Variants in PIGX observed in about 807,000 individuals in gnomAD.
PIGX encodes phosphatidylinositol glycan anchor biosynthesis class X.
In PIGX, 24 loss-of-function variants were observed where a neutral mutation model predicts 28.7. That is an observed-to-expected ratio of 0.84 (90% CI 0.60 to 1.17). PIGX has a LOEUF of 1.17. PIGX is among the 50% of genes most tolerant of loss of function. The pLI, the probability that PIGX is intolerant of heterozygous loss-of-function variation, is 0.00. For synonymous variants in PIGX, 127 were observed against 121.0 expected (o/e 1.05, Z -0.33); for missense variants, 305 against 317.8 (o/e 0.96, Z 0.31).
Position 196,734,522 on chromosome 3 carries a change from C to T in PIGX, c.*620C>T, listed in dbSNP as rs1039848671. On this transcript the variant is annotated 3_prime_UTR_variant, in exon 6 of 6. Coordinates refer to ENST00000392391, the MANE Select transcript of PIGX (RefSeq NM_017861.4). ...AGGTTCCAGAGAGCCAAGATCGCAC[C>T]ACTGCACTACAGCCTGGGCGACAGA... 2 of 152,092 alleles carry T rather than the reference C, an allele frequency of 1.3e-5. No individual in the cohort carries two copies. The highest frequency in any genetic ancestry group is 4.8e-5 in the African/African-American group (2 of 41,398). The allele number at this position is 152,092 out of a possible 1,614,324, so 9.4% of individuals were successfully genotyped here.
chr3:196,723,161 G>T (rs1326419880), intron 3 of PIGX, among the ~76,000 whole-genome samples: 2 of 152,128 alleles, frequency 1.3e-5, no homozygotes, highest in Non-Finnish European at 2.9e-5. Context: ...GGGCAACATG[G>T]CGAAACCCTG....
chr3:196,722,374 G>A (rs1712357567), intron 2 of PIGX, 41 bp from the exon 3 acceptor site: 1 of 1,474,144 alleles, frequency 6.8e-7, no homozygotes, highest in Middle Eastern at 1.7e-4. Context: ...TCATTTAACA[G>A]TTGAATGAAG....
In PIGX at chr3:196,734,808, GA is replaced by G. The variant is rs1179804201; in HGVS notation, c.*907del. ...CTTTTGAATATATGAATTGGCAAAG[GA>G]CTTGATGAAACTGAGTACTAAGATT... On this transcript the variant is annotated 3_prime_UTR_variant, in exon 6 of 6. Coordinates refer to ENST00000392391, the MANE Select transcript of PIGX (RefSeq NM_017861.4). 6.6e-6 allele frequency: 1 copy of G among 152,064 alleles called. No individual in the cohort carries two copies. Among genetic ancestry groups the G allele is most frequent in the Admixed American group, 6.6e-5 (1 of 15,262 alleles). The allele number at this position is 152,064 out of a possible 1,614,324, so 9.4% of individuals were successfully genotyped here.
intron 4 of PIGX, 121 bp from the exon 5 acceptor site, chr3:196,730,871 C>CCAGAT (rs749679863): frequency 3.1e-5 from 17 of 540,180 alleles, no homozygotes; most frequent in Middle Eastern, 2.8e-4. Context: ...ATAGATGGGT[C>CCAGAT]CAGATCATAT....
At chr3:196,723,745 A>G (rs990217049) in intron 3 of PIGX, among the ~76,000 whole-genome samples, 1 of 151,846 alleles carries the variant, frequency 6.6e-6, no homozygotes, top group Non-Finnish European at 1.5e-5. Flanking sequence ...AATTTTTAAA[A>G]CTGTAAAATA....
rs1033868552 is a variant in PIGX at position 196,735,645 on chromosome 3, A to G, written c.*1743A>G. On this transcript the variant is annotated 3_prime_UTR_variant, in exon 6 of 6. Transcript: ENST00000392391. Reference sequence around the variant, plus strand: ...TTCAACCCAGTATAGTTTCATACCTATTTCATGCTTTCTCGTAAGAAAGAA... The same window carrying G: ...TTCAACCCAGTATAGTTTCATACCTGTTTCATGCTTTCTCGTAAGAAAGAA... The G allele has an allele frequency of 1.3e-5, 2 of 152,216 alleles. No individual in the cohort carries two copies. The highest frequency in any genetic ancestry group is 2.4e-5 in the African/African-American group (1 of 41,448). The allele number at this position is 152,216 out of a possible 1,614,324, so 9.4% of individuals were successfully genotyped here. A position where few individuals can be genotyped will look rare whatever the true frequency, so the allele number is the denominator to read the frequency against.
chr3:196,728,683 A>C (rs561428610), intron 4 of PIGX: 6 of 766,236 alleles, frequency 7.8e-6, no homozygotes, highest in African/African-American at 1.7e-5. Context: ...ATACTTCTTT[A>C]TTTACTGGAA....
intron 5 of PIGX, among the ~76,000 whole-genome samples, chr3:196,732,283 A>C (rs192647251): frequency 2.1e-4 from 5 of 24,380 alleles, no homozygotes; most frequent in African/African-American, 9.6e-4. Flanking sequence ...TTTTTTTTTT[A>C]TTTTATTTTT....
intron 3 of PIGX, among the ~76,000 whole-genome samples, chr3:196,726,098 C>T (rs553841620): frequency 3.3e-5 from 5 of 152,044 alleles, no homozygotes; most frequent in African/African-American, 1.2e-4. Context: ...CAGAATTGAC[C>T]CAGATGTTAG....
chr3:196,731,346 T>G (rs1193031127), intron 5 of PIGX, among the ~76,000 whole-genome samples: 1 of 152,100 alleles, frequency 6.6e-6, no homozygotes, highest in Non-Finnish European at 1.5e-5. Flanking sequence ...CCCAGCTAAT[T>G]TTTGTAGTTT....
chr3:196,730,874 G>T, intron 4 of PIGX, 118 bp from the exon 5 acceptor site: 1 of 556,778 alleles, frequency 1.8e-6, no homozygotes, highest in East Asian at 3.1e-5. Flanking sequence ...GATGGGTCCA[G>T]ATCATATACA....
intron 4 of PIGX, among the ~76,000 whole-genome samples, chr3:196,730,074 A>C (rs1712686899): frequency 6.6e-6 from 1 of 151,994 alleles, no homozygotes; most frequent in Non-Finnish European, 1.5e-5. Context: ...TCTCAAAAAA[A>C]AAAAAAAAAG....
At chr3:196,720,702 A>G (rs955376386) in intron 2 of PIGX, among the ~76,000 whole-genome samples, 1 of 152,062 alleles carries the variant, frequency 6.6e-6, no homozygotes, top group African/African-American at 2.4e-5. Context: ...CAATTAAAAC[A>G]TGAGAAAGAA....
chr3:196,733,550 T>C lies in PIGX; in HGVS notation c.634-209T>C, dbSNP rs1712895807. 6.6e-6 allele frequency among the ~76,000 whole-genome samples: 1 copy of C among 152,156 alleles called. No individual in the cohort carries two copies. Among genetic ancestry groups the C allele is most frequent in the African/African-American group, 2.4e-5 (1 of 41,450 alleles). On this transcript the variant is annotated intron_variant, in intron 5 of 5. Transcript: ENST00000392391. The surrounding 1 kb of genome is among the most constrained non-coding windows in gnomAD (Gnocchi z 4.3). ...TCTTAGCCTCCCTAGTAGCTGGGAC[T>C]ACAGGCACCTGCCACCACACCTGGC...
chr3:196,730,778 A>G (rs1386405295), intron 4 of PIGX, among the ~76,000 whole-genome samples: 1 of 150,196 alleles, frequency 6.7e-6, no homozygotes, highest in Non-Finnish European at 1.5e-5. Flanking sequence ...AAAAGAAGTC[A>G]TGTTCAACTT....
intron 2 of PIGX, among the ~76,000 whole-genome samples, chr3:196,720,448 T>C (rs1223309729): frequency 6.6e-6 from 1 of 152,250 alleles, no homozygotes; most frequent in Non-Finnish European, 1.5e-5. Flanking sequence ...TGTTCATTGT[T>C]GATGGGCACT....
chr3:196,714,463 CTTT>C (rs35728280), intron 1 of PIGX, among the ~76,000 whole-genome samples: 4,654 of 138,882 alleles, frequency 0.034, 177 homozygotes, highest in Admixed American at 0.11. Context: ...GGCCCTGTCT[CTTT>C]TTTTTTTTTT....
chr3:196,720,900 T>G (rs1712295856), intron 2 of PIGX, among the ~76,000 whole-genome samples: 1 of 152,130 alleles, frequency 6.6e-6, no homozygotes, highest in Admixed American at 6.6e-5. Flanking sequence ...AAATTCTAGA[T>G]CGACAGCCTC....
At chr3:196,714,389 A>C (rs1711996866) in intron 1 of PIGX, among the ~76,000 whole-genome samples, 1 of 151,266 alleles carries the variant, frequency 6.6e-6, no homozygotes, top group African/African-American at 2.4e-5. Flanking sequence ...GCTTGAGCTC[A>C]GAAGTTCAAG....
Sources: gnomAD v4.1 joint callset for allele counts (sites outside exome capture counted in the v4.1 genomes callset) on GRCh38, gnomAD v4.1.1 for gene constraint, Gnocchi (gnomAD v3.1) non-coding constraint, MANE v1.5 for transcripts, NCBI Gene and HGNC (gene_info 2026-07-23, HGNC 2026-07-21) for gene names.